CNBD1: variants seen among roughly 807,000 people sequenced by gnomAD.
CNBD1 encodes the protein cyclic nucleotide binding domain containing 1.
Under a neutral mutation model 54.4 loss-of-function variants are expected in CNBD1, and 71 were observed. The observed-to-expected ratio is 1.30, with a 90% CI of 1.08 to 1.59. The LOEUF (loss-of-function observed/expected upper bound fraction) is 1.59, where lower values mean the gene tolerates loss of function less well. Ranked by LOEUF, CNBD1 falls within the 40% of genes most tolerant of loss-of-function variation. The probability of loss-of-function intolerance (pLI) is 0.00; values close to 1 mark genes in which losing one functional copy is unlikely to be tolerated. For missense variants in CNBD1, 659 were observed against 518.0 expected (o/e 1.27, Z -2.64); for synonymous variants, 182 against 170.7 (o/e 1.07, Z -0.51).
intron 4 of CNBD1, among the ~76,000 whole-genome samples, chr8:87,134,888 CGT>C (rs1241355213): frequency 1.3e-5 from 2 of 151,944 alleles, no homozygotes; most frequent in African/African-American, 2.4e-5. Context: ...GGATTACAGG[CGT>C]GAGCCACCAC....
intron 4 of CNBD1, among the ~76,000 whole-genome samples, chr8:87,191,878 C>T (rs1200399810): frequency 6.6e-6 from 1 of 152,090 alleles, no homozygotes; most frequent in Non-Finnish European, 1.5e-5. Flanking sequence ...GAATCAAAAT[C>T]TGTGGAAAAC....
At chr8:87,417,141 A>T (rs1416902611) in intron 2 of CNBD1, among the ~76,000 whole-genome samples, 1 of 152,046 alleles carries the variant, frequency 6.6e-6, no homozygotes, top group Non-Finnish European at 1.5e-5. Flanking sequence ...ATGGACTCAC[A>T]GTTTCCACAT....
Position 87,256,015 on chromosome 8 carries a change from ATTTTTTT to A in CNBD1, c.771+18922_771+18928del, listed in dbSNP as rs1212667153. ...TATATATATATATATATATATATAT[ATTTTTTT>A]TTTTTTTTTTTTTTTTTTGAGACAG... On this transcript the variant is annotated intron_variant, in intron 6 of 10. Transcript: ENST00000518476. Among the ~76,000 whole-genome samples the A allele has an allele frequency of 2.6e-3, 41 of 15,770 alleles. 1 individual carries two copies. The highest frequency in any genetic ancestry group is 6.3e-3 in the East Asian group (3 of 474). 10.3% of individuals were successfully genotyped at this position (15,770 alleles called of 152,430 possible). A position where few individuals can be genotyped will look rare whatever the true frequency, so the allele number is the denominator to read the frequency against.
intron 2 of CNBD1, among the ~76,000 whole-genome samples, chr8:87,417,936 T>C (rs994389788): frequency 1.3e-5 from 2 of 151,992 alleles, no homozygotes; most frequent in Non-Finnish European, 2.9e-5. Flanking sequence ...ATTGTATGTT[T>C]ATGAATTGGA....
Position 87,362,771 on chromosome 8 carries a change from G to A in CNBD1, c.1303+8985G>A, listed in dbSNP as rs533944454. 5.7e-4 allele frequency among the ~76,000 whole-genome samples: 86 copies of A among 152,126 alleles called. No individual in the cohort carries two copies. The South Asian group carries it at 0.012, about 21-fold the overall frequency. On this transcript the variant is annotated intron_variant, in intron 10 of 10. Coordinates refer to ENST00000518476, the MANE Select transcript of CNBD1 (RefSeq NM_173538.3). ...TTATATCCTTTTAGATACCAATTTTGCTTTTCCAAGTCAGGTACATATAAC... is the reference window on the plus strand; with the variant it reads ...TTATATCCTTTTAGATACCAATTTTACTTTTCCAAGTCAGGTACATATAAC...
At chr8:86,994,543 C>T (rs1524834) in intron 4 of CNBD1, among the ~76,000 whole-genome samples, 66,833 of 152,050 alleles carry the variant, frequency 0.44, 15,422 homozygotes, top group African/African-American at 0.58. Context: ...GATTAGCCTG[C>T]TATTTCAAAT....
chr8:87,251,647 C>A (rs1256339200), intron 6 of CNBD1, among the ~76,000 whole-genome samples: 1 of 151,086 alleles, frequency 6.6e-6, no homozygotes. Flanking sequence ...GTCTAGGTAC[C>A]ATTTAGGATT....
At chr8:87,152,763 A>T (rs911218225) in intron 4 of CNBD1, among the ~76,000 whole-genome samples, 2 of 152,158 alleles carry the variant, frequency 1.3e-5, no homozygotes, top group African/African-American at 4.8e-5. Flanking sequence ...TATAGTAAAA[A>T]TTTATCAGTT....
intron 4 of CNBD1, among the ~76,000 whole-genome samples, chr8:87,194,958 A>G (rs1372515480): frequency 1.3e-5 from 2 of 151,904 alleles, no homozygotes; most frequent in Non-Finnish European, 2.9e-5. Context: ...ATCTCGACTC[A>G]CTGCAACCTC....
At chr8:86,959,559 C>G (rs564106676) in intron 4 of CNBD1, among the ~76,000 whole-genome samples, 3 of 152,072 alleles carry the variant, frequency 2.0e-5, no homozygotes, top group Non-Finnish European at 4.4e-5. Flanking sequence ...TTTTTATTCT[C>G]TTTTCTCTAA....
intron 8 of CNBD1, among the ~76,000 whole-genome samples, chr8:87,330,360 A>C (rs917214851): frequency 6.8e-6 from 1 of 146,736 alleles, no homozygotes; most frequent in African/African-American, 2.5e-5. Context: ...TTTGGCTCTC[A>C]TTTTTACTAG....
At chr8:86,922,950 G>A (rs1477207992) in intron 3 of CNBD1, among the ~76,000 whole-genome samples, 2 of 152,110 alleles carry the variant, frequency 1.3e-5, no homozygotes, top group African/African-American at 4.8e-5. Flanking sequence ...TGTTGGGGAT[G>A]GGGGTGAGAA....
chr8:86,981,414 T>A (rs1808485187), intron 4 of CNBD1, among the ~76,000 whole-genome samples: 1 of 152,218 alleles, frequency 6.6e-6, no homozygotes, highest in Non-Finnish European at 1.5e-5. Flanking sequence ...AACATCACAA[T>A]TCTCTTATTA....
At chr8:87,300,454 G>T (rs189701966) in intron 8 of CNBD1, among the ~76,000 whole-genome samples, 8 of 152,108 alleles carry the variant, frequency 5.3e-5, no homozygotes, top group African/African-American at 1.7e-4. Flanking sequence ...GTTATGCATT[G>T]TTCAGGTAGA....
At chr8:87,374,876 G>A (rs1171210598) in intron 10 of CNBD1, among the ~76,000 whole-genome samples, 1 of 151,812 alleles carries the variant, frequency 6.6e-6, no homozygotes, top group Non-Finnish European at 1.5e-5. Flanking sequence ...AACATTTGTT[G>A]AATTAAGCAA....
chr8:87,382,578 A>G, intron 10 of CNBD1, 42 bp from the exon 11 acceptor site: 1 of 1,504,986 alleles, frequency 6.6e-7, no homozygotes, highest in Non-Finnish European at 9.0e-7. Context: ...AAAAATGAGT[A>G]TTTATTATGT....
At chr8:86,997,652 C>A (rs982535240) in intron 4 of CNBD1, among the ~76,000 whole-genome samples, 8 of 152,120 alleles carry the variant, frequency 5.3e-5, no homozygotes, top group African/African-American at 1.4e-4. Context: ...TGTAGCAGGG[C>A]TTGTAAAAAC....
intron 4 of CNBD1, among the ~76,000 whole-genome samples, chr8:87,120,136 T>C (rs1381686349): frequency 2.0e-5 from 3 of 152,088 alleles, no homozygotes; most frequent in African/African-American, 7.2e-5. Flanking sequence ...AATTTTAAAA[T>C]AGTTTCAGGA....
At chr8:87,083,585 C>CTT (rs752855766) in intron 4 of CNBD1, among the ~76,000 whole-genome samples, 142 of 117,136 alleles carry the variant, frequency 1.2e-3, no homozygotes, top group African/African-American at 2.7e-3. Context: ...CAATGTATTT[C>CTT]TTTTTTTTTT....
Sources: gnomAD v4.1 joint callset for allele counts (sites outside exome capture counted in the v4.1 genomes callset) on GRCh38, gnomAD v4.1.1 for gene constraint, MANE v1.5 for transcripts, NCBI Gene and HGNC (gene_info 2026-07-23, HGNC 2026-07-21) for gene names.